Variants in STARD9 observed in about 807,000 individuals in gnomAD.
STARD9 encodes stAR-related lipid transfer protein 9.
STARD9 carries 346 observed loss-of-function variants against 399.8 expected under a neutral mutation model. That is an observed-to-expected ratio of 0.87 (90% CI 0.79 to 0.95). STARD9 has a LOEUF of 0.95. STARD9 is among the 40% of genes least tolerant of loss of function. STARD9 has a pLI of 0.00. For synonymous variants in STARD9, 2,203 were observed against 2,143.5 expected (o/e 1.03, Z -0.77); for missense variants, 5,832 against 5,667.5 (o/e 1.03, Z -0.93).
chr15:42,647,950 A>G (rs527816230), intron 7 of STARD9, among the ~76,000 whole-genome samples: 1 of 152,312 alleles, frequency 6.6e-6, no homozygotes, highest in East Asian at 1.9e-4. Flanking sequence ...TCAAAGTCTA[A>G]TATTTACTGG....
chr15:42,598,642 C>T (rs953112994), intron 3 of STARD9, among the ~76,000 whole-genome samples: 19 of 152,000 alleles, frequency 1.3e-4, no homozygotes, highest in African/African-American at 4.4e-4. Context: ...TATTTTGATA[C>T]AATCTGTCAT....
rs2061434847 is a variant in STARD9, at chr15:42,720,609, T to C, written c.*1035T>C. ...CAGTTTTCTTGTACTTTAGCCTGGC[T>C]GAACATGAACTTTGTGTTTACCTGG... On this transcript the variant is annotated 3_prime_UTR_variant, in exon 33 of 33. Transcript: ENST00000290607. 1 of 152,148 alleles carries C rather than the reference T, an allele frequency of 6.6e-6. No individual in the cohort carries two copies. Among genetic ancestry groups the C allele is most frequent in the African/African-American group, 2.4e-5 (1 of 41,438 alleles). 9.4% of individuals were successfully genotyped at this position (152,148 alleles called of 1,614,324 possible).
At chr15:42,659,266 A>C (rs1789165774) in intron 9 of STARD9, among the ~76,000 whole-genome samples, 1 of 152,220 alleles carries the variant, frequency 6.6e-6, no homozygotes, top group Non-Finnish European at 1.5e-5. Context: ...CAATGGCAAA[A>C]ATTTTGAACT....
At chr15:42,596,608 G>A (rs1475620553) in intron 3 of STARD9, among the ~76,000 whole-genome samples, 2 of 152,174 alleles carry the variant, frequency 1.3e-5, no homozygotes, top group Non-Finnish European at 2.9e-5. Flanking sequence ...CTGTGTCCAA[G>A]TACCCTCTTA....
intron 26 of STARD9, among the ~76,000 whole-genome samples, chr15:42,716,297 G>A (rs1276697738): frequency 6.6e-6 from 1 of 152,018 alleles, no homozygotes; most frequent in African/African-American, 2.4e-5. Context: ...TTATTACCCC[G>A]TTAAACCCCC....
At chr15:42,634,782 G>T in intron 3 of STARD9, 74 bp from the exon 4 acceptor site, 1 of 653,152 alleles carries the variant, frequency 1.5e-6, no homozygotes, top group South Asian at 2.5e-5. Flanking sequence ...TATTTTTTTA[G>T]ATTAGAAAAT....
At chr15:42,699,380 CT>C (rs1223754820) in intron 26 of STARD9, among the ~76,000 whole-genome samples, 1 of 137,422 alleles carries the variant, frequency 7.3e-6, no homozygotes, top group Non-Finnish European at 1.5e-5. Context: ...ATGAGATCAA[CT>C]TTTTTCTTTT....
chr15:42,635,036 C>T (rs1595679774), intron 4 of STARD9, 64 bp downstream of exon 4: 1 of 799,476 alleles, frequency 1.3e-6, no homozygotes, highest in East Asian at 2.9e-5. Context: ...ATTGTCCTTA[C>T]TACTGTGAGA....
Position 42,689,607 on chromosome 15 carries a change from C to T in STARD9, c.8029C>T (p.Arg2677Cys), listed in dbSNP as rs771837968. The stretch of plus-strand genomic sequence containing the variant: ...TGCTGCTCCTGCTCAAGACAGGAAA[C>T]GTCGTACTGGAGAACTGAGGCAGTT... ...SHAAPAQDRK[R>C]RTGELRQFAG... The change falls in exon 23 of 33, where the codon CGT becomes TGT. Residue 2677 changes from arginine (R) to cysteine (C), a missense_variant. Arg to Cys is a radical substitution (Grantham distance 180). Coordinates refer to ENST00000290607, the MANE Select transcript of STARD9 (RefSeq NM_020759.3). 1.2e-5 allele frequency: 19 copies of T among 1,537,252 alleles called. No individual in the cohort carries two copies. Among genetic ancestry groups the T allele is most frequent in the African/African-American group, 1.4e-5 (1 of 73,004 alleles).
At position 42,686,584 on chromosome 15, in the gene STARD9, C is replaced by G; in HGVS notation, c.5006C>G (p.Ser1669Cys). ...VTTATKADHW[S>C]QGWAPLRKNS... ...ACAGCCACCAAAGCAGACCATTGGT[C>G]CCAAGGCTGGGCTCCTCTCAGGAAA... Residue 1669 changes from serine to cysteine, a missense_variant, in exon 23 of 33, where the codon TCC (serine) becomes TGC (cysteine). Physicochemically the swap from Ser to Cys is moderately radical, Grantham distance 112 (BLOSUM62 -1). This residue lies in a region of STARD9 where 5,828 missense variants were observed against 5,651.1 expected (regional missense o/e 1.03). Coordinates refer to ENST00000290607, the MANE Select transcript of STARD9 (RefSeq NM_020759.3). The G allele has an allele frequency of 6.5e-7, 1 of 1,537,446 alleles. No individual in the cohort carries two copies. The highest frequency in any genetic ancestry group is 8.7e-7 in the Non-Finnish European group (1 of 1,147,010).
At position 42,687,723 on chromosome 15, in the gene STARD9, A is replaced by G; in HGVS notation, c.6145A>G (p.Arg2049Gly). Reference sequence around the variant, plus strand: ...AGTTAATAATACTGATGAAATGGCTAGGCTAATTAGGAGTGTAATGCAGCT... The same window carrying G: ...AGTTAATAATACTGATGAAATGGCTGGGCTAATTAGGAGTGTAATGCAGCT... Reference protein sequence around the residue: ...KRVNNTDEMARLIRSVMQLEN... With the variant: ...KRVNNTDEMAGLIRSVMQLEN... Residue 2049 changes from arginine to glycine, a missense_variant, in exon 23 of 33, where the codon AGG becomes GGG. Transcript: ENST00000290607. 6.5e-7 allele frequency: 1 copy of G among 1,537,542 alleles called. No homozygotes were observed.
rs762814290 is a variant in STARD9 at position 42,667,484 on chromosome 15, A to AT, written c.1317+1642dup. 1.1e-3 allele frequency among the ~76,000 whole-genome samples: 158 copies of AT among 146,212 alleles called. 2 individuals carry two copies. Among genetic ancestry groups the AT allele is most frequent in the South Asian group, 2.6e-3 (12 of 4,578 alleles). The stretch of plus-strand genomic sequence containing the variant: ...AGGCGTGAGCCACCGCACTTGGCCT[A>AT]TTTTTTATTATTTTGGGACAGAGTT... On this transcript the variant is annotated intron_variant, in intron 15 of 32. Transcript: ENST00000290607.
At chr15:42,633,363 A>G (rs1444883543) in intron 3 of STARD9, among the ~76,000 whole-genome samples, 2 of 152,220 alleles carry the variant, frequency 1.3e-5, no homozygotes, top group Non-Finnish European at 2.9e-5. Flanking sequence ...TTGGAATCGT[A>G]TCAGAGTTGT....
At chr15:42,584,142 A>G (rs894226435) in intron 2 of STARD9, among the ~76,000 whole-genome samples, 4 of 151,978 alleles carry the variant, frequency 2.6e-5, no homozygotes, top group African/African-American at 9.7e-5. Context: ...CTTTTGCTAT[A>G]GTCAGCTTGC....
intron 3 of STARD9, among the ~76,000 whole-genome samples, chr15:42,603,014 C>T (rs2058659984): frequency 6.6e-6 from 1 of 152,118 alleles, no homozygotes; most frequent in African/African-American, 2.4e-5. Flanking sequence ...CTACTTGCTG[C>T]TCTTTCTGAA....
chr15:42,638,835 A>G, intron 7 of STARD9, 23 bp downstream of exon 7: 1 of 1,398,680 alleles, frequency 7.1e-7, no homozygotes, highest in South Asian at 1.3e-5. Flanking sequence ...GGTCCTGGAG[A>G]TCTGAAACCA....
At position 42,695,174 on chromosome 15, in the gene STARD9, C is replaced by A; in HGVS notation, c.12997C>A (p.Pro4333Thr). 1 of 1,536,604 alleles carries A rather than the reference C, an allele frequency of 6.5e-7. No individual in the cohort carries two copies. Among genetic ancestry groups the A allele is most frequent in the East Asian group, 2.4e-5 (1 of 40,898 alleles). ...GTCAGTGTCAAGGTCAGCTCACACA[C>A]CCTCTGACATAGAGTTGATGCTGCA... Reference protein sequence around the residue: ...PESVSRSAHTPSDIELMLQDY... With the variant: ...PESVSRSAHTTSDIELMLQDY... The change falls in exon 25 of 33, where the codon CCC (proline) becomes ACC (threonine). Residue 4333 changes from proline to threonine, a missense_variant. By Grantham distance (38) the Pro-to-Thr change is conservative (BLOSUM62 -1). Coordinates refer to ENST00000290607, the MANE Select transcript of STARD9 (RefSeq NM_020759.3).
At chr15:42,595,982 G>A (rs537987524) in intron 3 of STARD9, among the ~76,000 whole-genome samples, 3 of 152,284 alleles carry the variant, frequency 2.0e-5, no homozygotes, top group South Asian at 4.1e-4. Context: ...TTTCAGACTC[G>A]TAGAAACATC....
chr15:42,622,432 A>T (rs2059111903), intron 3 of STARD9, among the ~76,000 whole-genome samples: 2 of 151,796 alleles, frequency 1.3e-5, no homozygotes, highest in South Asian at 4.2e-4. Context: ...CAGCTGCATG[A>T]TCATAGCTGA....
Sources: gnomAD v4.1 joint callset for allele counts (sites outside exome capture counted in the v4.1 genomes callset) on GRCh38, gnomAD v4.1.1 for gene constraint, gnomAD v4.1.1 regional missense constraint, MANE v1.5 for transcripts, NCBI Gene and HGNC (gene_info 2026-07-23, HGNC 2026-07-21) for gene names.